Variants in MAN1A1 observed in about 807,000 individuals in gnomAD.
MAN1A1 encodes the protein mannosidase alpha class 1A member 1.
Under a neutral mutation model 70.8 loss-of-function variants are expected in MAN1A1, and 29 were observed. The ratio of observed to expected loss-of-function variants is 0.41; its 90% CI spans 0.31 to 0.56. The LOEUF (loss-of-function observed/expected upper bound fraction) is 0.56. MAN1A1 is among the 20% of genes least tolerant of loss of function. MAN1A1 has a pLI of 0.29. For synonymous variants in MAN1A1, 349 were observed against 330.1 expected (o/e 1.06, Z -0.62); for missense variants, 747 against 841.3 (o/e 0.89, Z 1.39).
At chr6:119,305,382 AAT>A (rs1308944651) in intron 3 of MAN1A1, among the ~76,000 whole-genome samples, 1 of 152,172 alleles carries the variant, frequency 6.6e-6, no homozygotes, top group African/African-American at 2.4e-5. Flanking sequence ...TTTTTCAAAA[AAT>A]GTTGTAATAA....
At chr6:119,316,951 C>CT (rs11362337) in intron 2 of MAN1A1, among the ~76,000 whole-genome samples, 2,480 of 138,102 alleles carry the variant, frequency 0.018, 46 homozygotes, top group African/African-American at 0.051. Flanking sequence ...TATTATTATT[C>CT]TTTTTTTTTT....
chr6:119,326,885 C>T (rs1160578312), intron 2 of MAN1A1, among the ~76,000 whole-genome samples: 2 of 152,188 alleles, frequency 1.3e-5, no homozygotes, highest in Non-Finnish European at 2.9e-5. Flanking sequence ...CATATCAAGA[C>T]CACATGATTT....
At position 119,311,480 on chromosome 6, in the gene MAN1A1, A is replaced by G. The variant is rs1192683306; in HGVS notation, c.604-4488T>C. ...AATCTTTAGCTATGCAGGTTCATAC[A>G]CTAGCTTTCATAAAATCTTAGTTGT... On this transcript the variant is annotated intron_variant, in intron 2 of 12. Transcript: ENST00000368468. Among the ~76,000 whole-genome samples, 4 of 152,222 alleles carry G rather than the reference A, an allele frequency of 2.6e-5. No individual in the cohort carries two copies. In the East Asian group the frequency reaches 5.8e-4, roughly 22 times the overall value.
At chr6:119,250,201 T>C (rs1015860511) in intron 5 of MAN1A1, among the ~76,000 whole-genome samples, 1 of 152,266 alleles carries the variant, frequency 6.6e-6, no homozygotes, top group African/African-American at 2.4e-5. Flanking sequence ...ATCTGTTGAC[T>C]TTCTGGTTTC....
intron 5 of MAN1A1, among the ~76,000 whole-genome samples, chr6:119,254,877 A>G (rs1291770107): frequency 6.6e-6 from 1 of 152,214 alleles, no homozygotes; most frequent in African/African-American, 2.4e-5. Context: ...TTAAATAAAA[A>G]CTTTTATAGC....
intron 6 of MAN1A1, among the ~76,000 whole-genome samples, chr6:119,215,480 C>T (rs1216642937): frequency 6.6e-6 from 1 of 152,050 alleles, no homozygotes; most frequent in African/African-American, 2.4e-5. Flanking sequence ...TCTGAAACAG[C>T]AGGAGAGAGG....
intron 2 of MAN1A1, among the ~76,000 whole-genome samples, chr6:119,317,880 T>C (rs1772897571): frequency 6.6e-6 from 1 of 151,592 alleles, no homozygotes; most frequent in Admixed American, 6.6e-5. Flanking sequence ...AATTTGTTTT[T>C]CCTAAAAAAA....
At chr6:119,347,316 A>T (rs1773756696) in intron 2 of MAN1A1, among the ~76,000 whole-genome samples, 1 of 152,184 alleles carries the variant, frequency 6.6e-6, no homozygotes, top group Non-Finnish European at 1.5e-5. Flanking sequence ...ACTCTCTGAA[A>T]ATGGGATCAG....
At chr6:119,227,546 T>G (rs1774552610) in intron 6 of MAN1A1, among the ~76,000 whole-genome samples, 2 of 152,216 alleles carry the variant, frequency 1.3e-5, no homozygotes, top group South Asian at 4.1e-4. Context: ...GGTGTAATAA[T>G]GGCTCATTGC....
chr6:119,270,130 A>T (rs758852535), intron 5 of MAN1A1, among the ~76,000 whole-genome samples: 1 of 152,048 alleles, frequency 6.6e-6, no homozygotes, highest in Non-Finnish European at 1.5e-5. Context: ...ACCTGGTTTG[A>T]TATTTCAGAC....
chr6:119,320,522 T>C (rs1406450310), intron 2 of MAN1A1, among the ~76,000 whole-genome samples: 1 of 152,088 alleles, frequency 6.6e-6, no homozygotes, highest in Non-Finnish European at 1.5e-5. Flanking sequence ...CAGTGACAAC[T>C]GTGTAATAAT....
intron 5 of MAN1A1, among the ~76,000 whole-genome samples, chr6:119,250,646 C>CTGTGTGTG (rs758137917): frequency 2.0e-4 from 21 of 103,786 alleles, no homozygotes; most frequent in South Asian, 3.7e-4. Flanking sequence ...CTTGTTCTCT[C>CTGTGTGTG]TCTGTGTGTG....
rs1443679533 is a variant in MAN1A1, at chr6:119,275,324, T to A, written c.897+15359A>T. ...TTTTTTTTTTTTTTTTTTTTTTTTT[T>A]GAGACGGAGTCTCGCTCTGTCGCCC... On this transcript the variant is annotated intron_variant, in intron 5 of 12. Coordinates refer to ENST00000368468, the MANE Select transcript of MAN1A1 (RefSeq NM_005907.4). 4.4e-3 allele frequency among the ~76,000 whole-genome samples: 341 copies of A among 78,146 alleles called. 1 individual carries two copies. Among genetic ancestry groups the A allele is most frequent in the Non-Finnish European group, 5.3e-3 (216 of 40,556 alleles). The allele number at this position is 78,146 out of a possible 152,430, so 51.3% of individuals were successfully genotyped here.
At chr6:119,286,028 C>T (rs1021393292) in intron 5 of MAN1A1, among the ~76,000 whole-genome samples, 3 of 152,160 alleles carry the variant, frequency 2.0e-5, no homozygotes, top group Admixed American at 1.3e-4. Flanking sequence ...GAATACACTG[C>T]TATGTGCTAA....
intron 9 of MAN1A1, 63 bp downstream of exon 9, chr6:119,193,714 T>C (rs371994987): frequency 3.5e-6 from 4 of 1,136,182 alleles, no homozygotes; most frequent in African/African-American, 1.6e-5. Context: ...TCATTAAAAC[T>C]TGATTAATAT....
intron 5 of MAN1A1, among the ~76,000 whole-genome samples, chr6:119,265,154 G>A (rs1383542994): frequency 6.7e-6 from 1 of 150,362 alleles, no homozygotes; most frequent in African/African-American, 2.5e-5. Flanking sequence ...AGGCTAAAGT[G>A]CAGTGACACA....
At chr6:119,329,432 G>A (rs887938297) in intron 2 of MAN1A1, among the ~76,000 whole-genome samples, 1 of 150,214 alleles carries the variant, frequency 6.7e-6, no homozygotes, top group Middle Eastern at 3.2e-3. Context: ...AAATCCATGA[G>A]AGATTCCTTT....
intron 5 of MAN1A1, among the ~76,000 whole-genome samples, chr6:119,284,915 T>C (rs1344077217): frequency 2.6e-5 from 4 of 152,166 alleles, no homozygotes; most frequent in African/African-American, 9.6e-5. Flanking sequence ...GTCTGTTTTG[T>C]GTCGCTATAA....
chr6:119,184,011 A>AT (rs34192355), intron 11 of MAN1A1, among the ~76,000 whole-genome samples: 7 of 138,242 alleles, frequency 5.1e-5, no homozygotes, highest in East Asian at 2.3e-4. Flanking sequence ...AAAAAAAAAA[A>AT]TTTTTTTTTA....
Sources: gnomAD v4.1 joint callset for allele counts (sites outside exome capture counted in the v4.1 genomes callset) on GRCh38, gnomAD v4.1.1 for gene constraint, MANE v1.5 for transcripts, NCBI Gene and HGNC (gene_info 2026-07-23, HGNC 2026-07-21) for gene names.